Variants in KCTD19 observed in about 807,000 individuals in gnomAD.
KCTD19 encodes BTB/POZ domain-containing protein KCTD19.
A neutral mutation model predicts 103.5 loss-of-function variants in KCTD19; 67 were observed. That is an observed-to-expected ratio of 0.65 (90% CI 0.53 to 0.79). The LOEUF is 0.79. Among genes scored for constraint, KCTD19 ranks in the 30% least tolerant of loss-of-function variants. KCTD19 has a pLI of 0.00. For missense variants in KCTD19, 980 were observed against 1,136.1 expected, an observed-to-expected ratio of 0.86 and a Z score of 1.98; for synonymous variants, 439 against 452.2, an observed-to-expected ratio of 0.97 and a Z score of 0.37.
Position 67,303,114 on chromosome 16 carries a change from G to T in KCTD19, c.643+32C>A, listed in dbSNP as rs1555504810. 2.7e-6 allele frequency: 3 copies of T among 1,097,052 alleles called. No homozygotes were observed. Among genetic ancestry groups the T allele is most frequent in the Non-Finnish European group, 2.6e-6 (2 of 782,070 alleles). 68.0% of individuals were successfully genotyped at this position (1,097,052 alleles called of 1,614,324 possible). A position where few individuals can be genotyped will look rare whatever the true frequency, so the allele number is the denominator to read the frequency against. ...AGGGGTGAATGGGCCCTATCAGCCC[G>T]CCCCCCACCCCACCCCGGACAGAGC... On this transcript the variant is annotated intron_variant, in intron 4 of 15. Transcript: ENST00000304372. The surrounding 1 kb of genome is among the most constrained non-coding windows in gnomAD (Gnocchi z 4.3).
At chr16:67,298,931 C>CCTGGCCTGG (rs2036800460) in intron 6 of KCTD19, among the ~76,000 whole-genome samples, 1 of 149,018 alleles carries the variant, frequency 6.7e-6, no homozygotes, top group African/African-American at 2.4e-5. Flanking sequence ...GCCTGGCCTG[C>CCTGGCCTGG]CCTGCCCTGC....
chr16:67,325,207 C>CTTTTTTTTTTTTTTTTTTTTTTTTCT (rs10695930), intron 1 of KCTD19, among the ~76,000 whole-genome samples: 4 of 113,174 alleles, frequency 3.5e-5, no homozygotes, highest in African/African-American at 3.9e-5. Flanking sequence ...TTCTTTTTTT[C>CTTTTTTTTTTTTTTTTTTTTTTTTCT]TTTTTTTTTT....
rs779664295 is a variant in KCTD19, at chr16:67,297,658, C to T, written c.992G>A (p.Trp331Ter). The change falls in exon 7 of 16, where the codon TGG (tryptophan) becomes TAG (stop). Residue 331 changes from tryptophan to a stop codon, truncating the protein, a stop_gained. Coordinates refer to ENST00000304372, the MANE Select transcript of KCTD19 (RefSeq NM_001100915.3). LOFTEE classifies it high-confidence loss of function. ...NGVLFQHVKNWLGTCRLPLTE... is the reference protein window; with the variant it reads ...NGVLFQHVKN ...CAGGGGCAGCCGGCAAGTCCCCAGCCAGTTCCTGCCCAGAGGAAAGGTCTG... is the reference window on the plus strand; with the variant it reads ...CAGGGGCAGCCGGCAAGTCCCCAGCTAGTTCCTGCCCAGAGGAAAGGTCTG... The T allele has an allele frequency of 1.9e-6, 3 of 1,613,708 alleles. No homozygotes were observed. Among genetic ancestry groups the T allele is most frequent in the Admixed American group, 1.7e-5 (1 of 60,010 alleles).
chr16:67,290,856 G>A (rs767021621), intron 15 of KCTD19, 29 bp downstream of exon 15: 4 of 1,583,830 alleles, frequency 2.5e-6, no homozygotes, highest in Non-Finnish European at 8.6e-7. Flanking sequence ...AGGGTCGGTG[G>A]ATTCCCAGGG....
intron 2 of KCTD19, among the ~76,000 whole-genome samples, chr16:67,314,822 TATATATATAGAGAGAGAG>T (rs1471869456): frequency 2.3e-4 from 16 of 70,598 alleles, no homozygotes; most frequent in East Asian, 8.4e-4. Context: ...TATATATATA[TATATATATAGAGAGAGAG>T]AGAGAGAGAG....
In KCTD19 at chr16:67,295,373, C is replaced by T. The variant is rs115827904; in HGVS notation, c.1281G>A (p.Val427=). 2.2e-5 allele frequency: 35 copies of T among 1,613,942 alleles called. No individual in the cohort carries two copies. The African/African-American group carries it at 4.1e-4, about 19-fold the overall frequency. Residue 427 remains valine (V), a synonymous_variant, in exon 9 of 16, where the codon GTG becomes GTA. Transcript: ENST00000304372. ...YPELLSNPQR[V]YWITYGQTLL... ...GGGTTTGTCCATATGTGATCCAGTA[C>T]ACTCTCTGAGGGTTGGACAGCAGTT...
Position 67,303,108 on chromosome 16 carries a change from C to CGGGCGG in KCTD19, c.643+37_643+38insCCGCCC. 1.3e-6 allele frequency: 1 copy of CGGGCGG among 798,078 alleles called. No individual in the cohort carries two copies. The highest frequency in any genetic ancestry group is 2.1e-6 in the Non-Finnish European group (1 of 476,660). The allele number at this position is 798,078 out of a possible 1,614,324, so 49.4% of individuals were successfully genotyped here. A position where few individuals can be genotyped will look rare whatever the true frequency, so the allele number is the denominator to read the frequency against. On this transcript the variant is annotated intron_variant, in intron 4 of 15. Transcript: ENST00000304372. This position sits in a 1 kb window ranked among gnomAD's most constrained non-coding sequence, Gnocchi z 4.3. ...ATGGGGAGGGGTGAATGGGCCCTAT[C>CGGGCGG]AGCCCGCCCCCCACCCCACCCCGGA...
At chr16:67,298,049 A>C (rs886378106) in intron 6 of KCTD19, among the ~76,000 whole-genome samples, 2 of 140,686 alleles carry the variant, frequency 1.4e-5, no homozygotes, top group African/African-American at 5.4e-5. Flanking sequence ...GCTGGAGTGC[A>C]GTGGCGCGAT....
At chr16:67,290,576 T>C (rs2036674459) in intron 15 of KCTD19, among the ~76,000 whole-genome samples, 1 of 152,206 alleles carries the variant, frequency 6.6e-6, no homozygotes, top group South Asian at 2.1e-4. Flanking sequence ...TGAAAAGGCC[T>C]CACTCCCATA....
intron 2 of KCTD19, among the ~76,000 whole-genome samples, chr16:67,319,677 T>C (rs945245602): frequency 9.6e-5 from 14 of 145,594 alleles, no homozygotes; most frequent in Non-Finnish European, 1.8e-4. Flanking sequence ...AGTAAAGGTA[T>C]TTAAAGCTCT....
rs375940755 is a variant in KCTD19 at position 67,299,467 on chromosome 16, C to T, written c.882G>A (p.Leu294=). 6.2e-7 allele frequency: 1 copy of T among 1,614,122 alleles called. No individual in the cohort carries two copies. The highest frequency in any genetic ancestry group is 8.5e-7 in the Non-Finnish European group (1 of 1,180,054). The change falls in exon 6 of 16, where the codon CTG becomes CTA. Residue 294 remains leucine (L), a synonymous_variant. Transcript: ENST00000304372. The stretch of plus-strand genomic sequence containing the variant: ...CCAGCGCAGAGTCCGGGTACTTGAC[C>T]AGCAGACCCAGGGCCATTGTGTAGA... ...KPLYTMALGL[L]VKYPDSALGQ...
intron 7 of KCTD19, among the ~76,000 whole-genome samples, chr16:67,296,746 A>G (rs1047890113): frequency 1.3e-5 from 2 of 152,190 alleles, no homozygotes; most frequent in African/African-American, 4.8e-5. Flanking sequence ...AGATGAACCC[A>G]TAACCCTTTT....
At position 67,304,551 on chromosome 16, in the gene KCTD19, T is replaced by C. The variant is rs1317920120; in HGVS notation, c.321A>G (p.Glu107=). Residue 107 remains glutamate (E), a synonymous_variant, in exon 3 of 16, where the codon GAA becomes GAG. Coordinates refer to ENST00000304372, the MANE Select transcript of KCTD19 (RefSeq NM_001100915.3). ...PLLQTLDNLK[E]GKHHLRVRPA... ...GCCGTACGCGTAGATGGTGTTTCCC[T>C]TCCTTCAGGTTATCTAGAGTCTGTT... The C allele has an allele frequency of 3.7e-6, 6 of 1,614,088 alleles. No homozygotes were observed. Among genetic ancestry groups the C allele is most frequent in the Non-Finnish European group, 1.7e-6 (2 of 1,179,916 alleles).
At position 67,291,318 on chromosome 16, in the gene KCTD19, A is replaced by G; in HGVS notation, c.2556T>C (p.Asn852=). ...GGCCTGTCACACATACCCACAGCCG[A>G]TTGGCCAGGGAGACCACCTTGGCTG... ...AITAKVVSLA[N]RLWTLHISPK... Residue 852 remains asparagine, a synonymous_variant, in exon 14 of 16, where the codon AAT becomes AAC. Transcript: ENST00000304372. 1.9e-6 allele frequency: 3 copies of G among 1,613,446 alleles called. No homozygotes were observed. Among genetic ancestry groups the G allele is most frequent in the Non-Finnish European group, 2.5e-6 (3 of 1,179,884 alleles).
intron 5 of KCTD19, 58 bp from the exon 6 acceptor site, chr16:67,299,631 G>A (rs1196416633): frequency 1.4e-6 from 2 of 1,475,402 alleles, no homozygotes; most frequent in Non-Finnish European, 1.9e-6. Flanking sequence ...CTGGATTGGA[G>A]GCTTTGGGGC....
In KCTD19 at chr16:67,293,150, G is replaced by T. The variant is rs566584620; in HGVS notation, c.2218+394C>A. Among the ~76,000 whole-genome samples the T allele has an allele frequency of 2.0e-5, 3 of 152,302 alleles. No individual in the cohort carries two copies. In the East Asian group the frequency reaches 5.8e-4, roughly 29 times the overall value. On this transcript the variant is annotated intron_variant, in intron 12 of 15. Transcript: ENST00000304372. The surrounding 1 kb of genome is among the most constrained non-coding windows in gnomAD (Gnocchi z 4.0). The stretch of plus-strand genomic sequence containing the variant: ...CCACGTCCTGAAGCTGGCCCACGAG[G>T]CCTGTCCTTATGACTTCTGTCTTCA...
chr16:67,310,191 T>A (rs2036935632), intron 2 of KCTD19, among the ~76,000 whole-genome samples: 1 of 152,210 alleles, frequency 6.6e-6, no homozygotes, highest in Non-Finnish European at 1.5e-5. Context: ...CCTCACTTAC[T>A]TATTTTTGAT....
intron 2 of KCTD19, among the ~76,000 whole-genome samples, chr16:67,313,785 A>G (rs371620222): frequency 6.6e-6 from 1 of 151,262 alleles, no homozygotes; most frequent in East Asian, 1.9e-4. Flanking sequence ...ATGGGGTTTC[A>G]CCATGTTGGT....
chr16:67,301,762 G>T (rs544078560), intron 5 of KCTD19, 29 bp downstream of exon 5: 7 of 1,610,304 alleles, frequency 4.3e-6, no homozygotes, highest in Non-Finnish European at 5.9e-6. Flanking sequence ...AGACTGTCGA[G>T]GGGGAGCCAA....
Sources: allele counts gnomAD v4.1 joint callset (sites outside exome capture counted in the v4.1 genomes callset), GRCh38; gene constraint gnomAD v4.1.1; non-coding constraint Gnocchi (gnomAD v3.1); transcripts MANE v1.5; gene names NCBI Gene and HGNC (gene_info 2026-07-23, HGNC 2026-07-21).